The following EBF1 variants were observed in gnomAD, a reference collection of about 807,000 sequenced individuals.
EBF1 encodes the protein EBF transcription factor 1.
In EBF1, 10 loss-of-function variants were observed where a neutral mutation model predicts 68.4. That is an observed-to-expected ratio of 0.15 (90% CI 0.09 to 0.25). EBF1 has a LOEUF of 0.25. Ranked by LOEUF, EBF1 falls within the 10% of genes least tolerant of loss-of-function variation. The probability of loss-of-function intolerance (pLI) is 1.00; values close to 1 mark genes in which losing one functional copy is unlikely to be tolerated. For missense variants in EBF1, 509 were observed against 794.4 expected, an observed-to-expected ratio of 0.64 and a Z score of 4.32; for synonymous variants, 298 against 299.8, an observed-to-expected ratio of 0.99 and a Z score of 0.06.
intron 12 of EBF1, 71 bp downstream of exon 12, chr5:158,714,046 T>C: frequency 1.3e-6 from 2 of 1,517,844 alleles, no homozygotes; most frequent in East Asian, 2.3e-5. Flanking sequence ...TGCTTTCTCA[T>C]TACGATGAGG....
chr5:158,978,344 A>C (rs2127579373), intron 6 of EBF1, among the ~76,000 whole-genome samples: 1 of 152,316 alleles, frequency 6.6e-6, no homozygotes, highest in East Asian at 1.9e-4. Context: ...CAATCACGAC[A>C]TGTATTTGCT....
At chr5:158,854,331 G>T (rs1793553925) in intron 6 of EBF1, among the ~76,000 whole-genome samples, 1 of 152,212 alleles carries the variant, frequency 6.6e-6, no homozygotes, top group Non-Finnish European at 1.5e-5. Context: ...TCTTGCTTTT[G>T]AAGCAATGGC....
intron 6 of EBF1, among the ~76,000 whole-genome samples, chr5:158,906,414 C>T (rs1804636394): frequency 6.6e-6 from 1 of 151,174 alleles, no homozygotes; most frequent in African/African-American, 2.4e-5. Context: ...CCATTCTATA[C>T]AAAAACAACT....
At chr5:158,979,341 G>A (rs962115843) in intron 6 of EBF1, among the ~76,000 whole-genome samples, 1 of 152,114 alleles carries the variant, frequency 6.6e-6, no homozygotes, top group Non-Finnish European at 1.5e-5. Context: ...CAAAATCTGT[G>A]CCTGAATTCC....
intron 8 of EBF1, among the ~76,000 whole-genome samples, chr5:158,814,347 T>A (rs4704961): frequency 0.73 from 109,628 of 151,126 alleles, 40,010 homozygotes; most frequent in South Asian, 0.87. Context: ...CCTGTCTCAT[T>A]AAAAAAAAAG....
intron 6 of EBF1, among the ~76,000 whole-genome samples, chr5:158,867,186 C>T (rs1796074735): frequency 6.6e-6 from 1 of 151,904 alleles, no homozygotes; most frequent in Non-Finnish European, 1.5e-5. Flanking sequence ...ATAATGGTGT[C>T]AATGAAAGGA....
chr5:158,827,978 T>A (rs1786572779), intron 7 of EBF1, among the ~76,000 whole-genome samples: 1 of 152,190 alleles, frequency 6.6e-6, no homozygotes. Flanking sequence ...ATTCCAAATC[T>A]TGGTTTTCAG....
chr5:158,740,849 T>G (rs1209811003), intron 10 of EBF1, among the ~76,000 whole-genome samples: 1 of 152,188 alleles, frequency 6.6e-6, no homozygotes, highest in Non-Finnish European at 1.5e-5. Flanking sequence ...ACATTTTGCT[T>G]ATACATTTAT....
At chr5:159,070,334 A>G (rs1429102940) in intron 6 of EBF1, among the ~76,000 whole-genome samples, 1 of 152,160 alleles carries the variant, frequency 6.6e-6, no homozygotes, top group Non-Finnish European at 1.5e-5. Context: ...CATGATTGTA[A>G]AAAGAATTGG....
chr5:158,943,985 TC>T (rs1814092301), intron 6 of EBF1, among the ~76,000 whole-genome samples: 1 of 152,228 alleles, frequency 6.6e-6, no homozygotes, highest in South Asian at 2.1e-4. Context: ...TTCCTAGACT[TC>T]CCATCAAAGC....
At chr5:158,930,271 T>G (rs952390153) in intron 6 of EBF1, among the ~76,000 whole-genome samples, 5 of 148,418 alleles carry the variant, frequency 3.4e-5, no homozygotes, top group African/African-American at 1.3e-4. Flanking sequence ...TTTTTTTTTT[T>G]GTTTGTTTTT....
Position 158,981,582 on chromosome 5 carries a change from G to T in EBF1, c.554+91814C>A, listed in dbSNP as rs534674339. On this transcript the variant is annotated intron_variant, in intron 6 of 15. Transcript: ENST00000313708. ...TATTGTACACCACTGCCTAATACAA[G>T]AACAACTTTCTTACTTAAAATCCAG... Among the ~76,000 whole-genome samples, 26 of 152,106 alleles carry T rather than the reference G, an allele frequency of 1.7e-4. 1 individual carries two copies. Among genetic ancestry groups the T allele is most frequent in the African/African-American group, 5.1e-4 (21 of 41,516 alleles).
intron 6 of EBF1, among the ~76,000 whole-genome samples, chr5:159,009,637 G>A (rs1228436598): frequency 2.0e-5 from 3 of 151,928 alleles, no homozygotes; most frequent in Non-Finnish European, 4.4e-5. Context: ...AAATTAGCTG[G>A]GCACGGTGGT....
At chr5:158,736,559 C>G (rs1392708017) in intron 10 of EBF1, among the ~76,000 whole-genome samples, 1 of 152,166 alleles carries the variant, frequency 6.6e-6, no homozygotes, top group African/African-American at 2.4e-5. Context: ...AAACAAATAT[C>G]TAGACTCTAT....
At chr5:158,700,119 G>A (rs923237067) in intron 15 of EBF1, among the ~76,000 whole-genome samples, 3 of 152,268 alleles carry the variant, frequency 2.0e-5, no homozygotes, top group African/African-American at 7.2e-5. Flanking sequence ...TTAGCTGCTG[G>A]GATTTTTAAC....
chr5:159,022,088 G>A (rs762472116), intron 6 of EBF1, among the ~76,000 whole-genome samples: 1 of 140,232 alleles, frequency 7.1e-6, no homozygotes, highest in East Asian at 2.1e-4. Context: ...GCAAGAGAAC[G>A]TTTCATCTGG....
At chr5:158,851,353 A>C (rs1018830178) in intron 6 of EBF1, among the ~76,000 whole-genome samples, 1 of 130,820 alleles carries the variant, frequency 7.6e-6, no homozygotes, top group Admixed American at 7.5e-5. Context: ...AGACGCTGTC[A>C]AGAAAGGGAA....
chr5:158,953,851 G>A (rs1816524390), intron 6 of EBF1, among the ~76,000 whole-genome samples: 1 of 152,110 alleles, frequency 6.6e-6, no homozygotes, highest in Non-Finnish European at 1.5e-5. Flanking sequence ...TCATAAGCAA[G>A]CTGAAAACAC....
At chr5:158,722,866 G>A (rs1041617140) in intron 11 of EBF1, among the ~76,000 whole-genome samples, 2 of 152,210 alleles carry the variant, frequency 1.3e-5, no homozygotes, top group Non-Finnish European at 2.9e-5. Context: ...AAGGGCTTCA[G>A]TCTTTAAGGG....
Sources: allele counts gnomAD v4.1 joint callset (sites outside exome capture counted in the v4.1 genomes callset), GRCh38; gene constraint gnomAD v4.1.1; transcripts MANE v1.5; gene names NCBI Gene and HGNC (gene_info 2026-07-23, HGNC 2026-07-21).